The following IGDCC3 variants were observed in gnomAD, a reference collection of about 807,000 sequenced individuals.
The protein encoded by IGDCC3 is immunoglobulin superfamily DCC subclass member 3.
In IGDCC3, 47 loss-of-function variants were observed where a neutral mutation model predicts 72.0. That is an observed-to-expected ratio of 0.65 (90% CI 0.52 to 0.83). The LOEUF (loss-of-function observed/expected upper bound fraction) is 0.83, where lower values mean the gene tolerates loss of function less well. Ranked by LOEUF, IGDCC3 falls within the 40% of genes least tolerant of loss-of-function variation. IGDCC3 has a pLI of 0.00. For synonymous variants in IGDCC3, 477 were observed against 472.8 expected, an observed-to-expected ratio of 1.01 and a Z score of -0.11; for missense variants, 1,038 against 1,091.3, an observed-to-expected ratio of 0.95 and a Z score of 0.69.
chr15:65,333,372 T>A lies in IGDCC3; in HGVS notation c.867A>T (p.Thr289=). ...TCACGTCTGAGATGATGAGGTTTCC[T>A]GTGCCCAGCACCTGGATGCCCTCCA... ...IGVEGIQVLG[T]GNLIISDVTV... is the part of the protein sequence containing the mutation. Residue 289 remains threonine, a synonymous_variant, in exon 6 of 14, where the codon ACA becomes ACT. Transcript: ENST00000327987. 6.2e-7 allele frequency: 1 copy of A among 1,611,392 alleles called. No individual in the cohort carries two copies. The highest frequency in any genetic ancestry group is 8.5e-7 in the Non-Finnish European group (1 of 1,178,786).
At chr15:65,358,438 G>A (rs576231028) in intron 2 of IGDCC3, among the ~76,000 whole-genome samples, 21 of 152,114 alleles carry the variant, frequency 1.4e-4, no homozygotes, top group Admixed American at 1.1e-3. Flanking sequence ...CAGGCCACTA[G>A]CTTCATTTTG....
At chr15:65,357,853 G>A (rs1362325464) in intron 2 of IGDCC3, among the ~76,000 whole-genome samples, 5 of 152,146 alleles carry the variant, frequency 3.3e-5, no homozygotes, top group African/African-American at 9.7e-5. Context: ...ACCTGCAGCT[G>A]CCGAACTACT....
chr15:65,329,833 C>T lies in IGDCC3; in HGVS notation c.1890G>A (p.Glu630=), dbSNP rs535431631. Reference sequence around the variant, plus strand: ...TGGTGGACGTCTGGTTGGCGGCCTCCTCCTTCCGGCAGTCACATGGTGGGC... The same window carrying T: ...TGGTGGACGTCTGGTTGGCGGCCTCTTCCTTCCGGCAGTCACATGGTGGGC... ...ALSPPCDCRK[E]EAANQTSTTG... is the part of the protein sequence containing the mutation. The change falls in exon 12 of 14, where the codon GAG becomes GAA. Residue 630 remains glutamate, a synonymous_variant. Transcript: ENST00000327987. The surrounding 1 kb of genome is among the most constrained non-coding windows in gnomAD (Gnocchi z 4.1). 2 of 1,614,116 alleles carry T rather than the reference C, an allele frequency of 1.2e-6. No individual in the cohort carries two copies. Among genetic ancestry groups the T allele is most frequent in the Non-Finnish European group, 1.7e-6 (2 of 1,180,028 alleles).
chr15:65,370,563 T>C (rs1178779818), intron 2 of IGDCC3, among the ~76,000 whole-genome samples: 1 of 128,936 alleles, frequency 7.8e-6, no homozygotes, highest in Non-Finnish European at 1.6e-5. Flanking sequence ...TGTGTGTATA[T>C]ATATATGTAT....
intron 10 of IGDCC3, 30 bp downstream of exon 10, chr15:65,330,520 C>T (rs2090966916): frequency 6.2e-7 from 1 of 1,606,734 alleles, no homozygotes; most frequent in African/African-American, 1.3e-5. Context: ...TCTGCCAAGC[C>T]CCCTAGGCTC....
At chr15:65,362,095 AAAAG>A (rs1170950288) in intron 2 of IGDCC3, among the ~76,000 whole-genome samples, 2 of 152,098 alleles carry the variant, frequency 1.3e-5, no homozygotes, top group Non-Finnish European at 2.9e-5. Context: ...TTAAAAAAAA[AAAAG>A]AAGTGGTACA....
chr15:65,369,846 C>T (rs1328501681), intron 2 of IGDCC3, among the ~76,000 whole-genome samples: 1 of 152,108 alleles, frequency 6.6e-6, no homozygotes, highest in African/African-American at 2.4e-5. Flanking sequence ...AGCTCCTGCC[C>T]GCAGTTCTCC....
chr15:65,361,149 A>G (rs1475340084), intron 2 of IGDCC3, among the ~76,000 whole-genome samples: 1 of 151,990 alleles, frequency 6.6e-6, no homozygotes, highest in Non-Finnish European at 1.5e-5. Flanking sequence ...TCTCTGGCCT[A>G]CCGGCACAGT....
rs1014143019 is a variant in IGDCC3 at position 65,353,530 on chromosome 15, G to A, written c.410-17574C>T. Among the ~76,000 whole-genome samples the A allele has an allele frequency of 5.3e-5, 8 of 152,148 alleles. No homozygotes were observed. In the East Asian group the frequency reaches 1.2e-3, roughly 22 times the overall value. ...CTCCCAAAGTGCTGGGATTACAGGCGTGAGCCACCGTGCCCGGCCTCAGAT... is the reference window on the plus strand; with the variant it reads ...CTCCCAAAGTGCTGGGATTACAGGCATGAGCCACCGTGCCCGGCCTCAGAT... On this transcript the variant is annotated intron_variant, in intron 2 of 13. Coordinates refer to ENST00000327987, the MANE Select transcript of IGDCC3 (RefSeq NM_004884.4).
chr15:65,376,976 C>T (rs569050245), intron 1 of IGDCC3, among the ~76,000 whole-genome samples: 11 of 152,240 alleles, frequency 7.2e-5, no homozygotes, highest in Non-Finnish European at 1.6e-4. Flanking sequence ...GCAGAACCGG[C>T]GGACCGCGAG....
intron 2 of IGDCC3, among the ~76,000 whole-genome samples, chr15:65,370,479 A>G (rs1275428390): frequency 6.8e-6 from 1 of 147,276 alleles, no homozygotes; most frequent in African/African-American, 2.5e-5. Context: ...GCACCACTGC[A>G]CTGGGTGATA....
intron 2 of IGDCC3, among the ~76,000 whole-genome samples, chr15:65,349,012 C>T (rs1291214424): frequency 1.3e-5 from 2 of 152,122 alleles, no homozygotes; most frequent in Non-Finnish European, 2.9e-5. Flanking sequence ...CTTTCTCTGG[C>T]CTCCCTGATC....
Position 65,328,873 on chromosome 15 carries a change from C to G in IGDCC3, c.*36G>C. The G allele has an allele frequency of 2.7e-6, 4 of 1,502,940 alleles. No homozygotes were observed. Among genetic ancestry groups the G allele is most frequent in the Non-Finnish European group, 3.5e-6 (4 of 1,128,136 alleles). 93.1% of individuals were successfully genotyped at this position (1,502,940 alleles called of 1,614,324 possible). ...TTGCTTTTGACCTGAGAATGGGCCCCGCTCCGTCCACCCTCTGGAGCCTGC... is the reference window on the plus strand; with the variant it reads ...TTGCTTTTGACCTGAGAATGGGCCCGGCTCCGTCCACCCTCTGGAGCCTGC... On this transcript the variant is annotated 3_prime_UTR_variant, in exon 14 of 14. Transcript: ENST00000327987.
intron 2 of IGDCC3, chr15:65,374,026 C>T (rs2091343120): frequency 6.6e-6 from 1 of 152,162 alleles, no homozygotes; most frequent in Non-Finnish European, 1.5e-5. Flanking sequence ...ATCCCAGCTA[C>T]TGGGGAAGCT....
intron 2 of IGDCC3, among the ~76,000 whole-genome samples, chr15:65,372,667 G>A (rs566138502): frequency 3.9e-5 from 6 of 152,090 alleles, no homozygotes; most frequent in African/African-American, 7.2e-5. Context: ...CCCTCCCCAC[G>A]GGCCCCTGAG....
intron 2 of IGDCC3, among the ~76,000 whole-genome samples, chr15:65,372,350 G>A (rs1312616910): frequency 6.6e-6 from 1 of 152,206 alleles, no homozygotes; most frequent in East Asian, 1.9e-4. Context: ...ACGTGGAGCT[G>A]CAATGCAGAG....
Position 65,333,456 on chromosome 15 carries a change from G to C in IGDCC3, c.824-41C>G. Reference sequence around the variant, plus strand: ...AGGGGGGATGGGTGAGGGTCAGATAGAGATATGGAAGAAGGAAAGTAAAGG... The same window carrying C: ...AGGGGGGATGGGTGAGGGTCAGATACAGATATGGAAGAAGGAAAGTAAAGG... On this transcript the variant is annotated intron_variant, in intron 5 of 13. Transcript: ENST00000327987. 3 of 1,537,250 alleles carry C rather than the reference G, an allele frequency of 2.0e-6. No individual in the cohort carries two copies. In the South Asian group the frequency reaches 3.7e-5, roughly 19 times the overall value.
At chr15:65,344,165 T>C (rs1427432616) in intron 2 of IGDCC3, among the ~76,000 whole-genome samples, 1 of 152,020 alleles carries the variant, frequency 6.6e-6, no homozygotes, top group African/African-American at 2.4e-5. Flanking sequence ...GGCATCTGGG[T>C]GTTGGAGTGG....
intron 2 of IGDCC3, among the ~76,000 whole-genome samples, chr15:65,374,542 G>A (rs1469128566): frequency 6.6e-6 from 1 of 152,108 alleles, no homozygotes; most frequent in African/African-American, 2.4e-5. Flanking sequence ...TAGGAGTGAT[G>A]TCATCATTGA....
Sources: gnomAD v4.1 joint callset for allele counts (sites outside exome capture counted in the v4.1 genomes callset) on GRCh38, gnomAD v4.1.1 for gene constraint, Gnocchi (gnomAD v3.1) non-coding constraint, MANE v1.5 for transcripts, NCBI Gene and HGNC (gene_info 2026-07-23, HGNC 2026-07-21) for gene names.